ESRRG: variants seen among roughly 807,000 people sequenced by gnomAD.
ESRRG encodes estrogen-related receptor gamma.
Under a neutral mutation model 44.0 loss-of-function variants are expected in ESRRG, and 13 were observed. That is an observed-to-expected ratio of 0.30 (90% CI 0.19 to 0.47). The LOEUF (loss-of-function observed/expected upper bound fraction) is 0.47. Among genes scored for constraint, ESRRG ranks in the 20% least tolerant of loss-of-function variants. The probability of loss-of-function intolerance (pLI) is 1.00; values close to 1 mark genes in which losing one functional copy is unlikely to be tolerated. For synonymous variants in ESRRG, 215 were observed against 214.6 expected, an observed-to-expected ratio of 1.00 and a Z score of -0.02; for missense variants, 395 against 580.6, an observed-to-expected ratio of 0.68 and a Z score of 3.29.
chr1:216,632,869 G>T lies in ESRRG; in HGVS notation c.589+18104C>A, dbSNP rs183674171. ...ACTGATTTTAAGTTTGTCAGCTGGA[G>T]GGAATTATTATAAAGTCAATAAATA... On this transcript the variant is annotated intron_variant, in intron 3 of 6. Transcript: ENST00000408911. Among the ~76,000 whole-genome samples, 10 of 152,240 alleles carry T rather than the reference G, an allele frequency of 6.6e-5. No homozygotes were observed. The East Asian group carries it at 1.9e-3, about 29-fold the overall frequency.
chr1:216,633,343 T>C (rs1439370260), intron 3 of ESRRG, among the ~76,000 whole-genome samples: 3 of 152,182 alleles, frequency 2.0e-5, no homozygotes, highest in Non-Finnish European at 4.4e-5. Flanking sequence ...GCTGGCAGGC[T>C]CCAACTAGTT....
At chr1:216,732,004 AT>A (rs1005836237) in intron 2 of ESRRG, among the ~76,000 whole-genome samples, 49 of 152,012 alleles carry the variant, frequency 3.2e-4, no homozygotes, top group Middle Eastern at 3.5e-3. Flanking sequence ...TAACAAAGAA[AT>A]TTTTTTTTAA....
At chr1:216,689,540 CTT>C (rs1491202125) in intron 1 of ESRRG, among the ~76,000 whole-genome samples, 1 of 151,988 alleles carries the variant, frequency 6.6e-6, no homozygotes, top group African/African-American at 2.4e-5. Flanking sequence ...CTGGTAGTAT[CTT>C]AATACATTTT....
intron 2 of ESRRG, among the ~76,000 whole-genome samples, chr1:216,902,395 A>T (rs929720113): frequency 1.3e-5 from 2 of 152,034 alleles, no homozygotes; most frequent in East Asian, 3.9e-4. Flanking sequence ...AGGCTGAGGC[A>T]GGAGAATCCC....
intron 3 of ESRRG, among the ~76,000 whole-genome samples, chr1:216,592,205 T>C (rs1021571518): frequency 2.0e-5 from 3 of 152,212 alleles, no homozygotes; most frequent in Non-Finnish European, 2.9e-5. Flanking sequence ...GGAAAGAATG[T>C]CAATTTAATT....
At chr1:216,567,058 A>G (rs2059802780) in intron 4 of ESRRG, among the ~76,000 whole-genome samples, 1 of 152,192 alleles carries the variant, frequency 6.6e-6, no homozygotes, top group South Asian at 2.1e-4. Context: ...AGGCAGATCA[A>G]AAATTACCCA....
At chr1:216,910,432 T>C (rs1320229165) in intron 2 of ESRRG, among the ~76,000 whole-genome samples, 2 of 152,186 alleles carry the variant, frequency 1.3e-5, no homozygotes, top group Non-Finnish European at 2.9e-5. Context: ...GTCCTTTCCA[T>C]TCATTAGTTT....
intron 3 of ESRRG, among the ~76,000 whole-genome samples, chr1:216,633,838 G>A (rs924116787): frequency 1.1e-4 from 17 of 152,192 alleles, no homozygotes; most frequent in Admixed American, 1.1e-3. Context: ...AAATTATTAA[G>A]AGATGGATAA....
intron 5 of ESRRG, among the ~76,000 whole-genome samples, chr1:216,543,701 T>C (rs992646307): frequency 2.6e-5 from 4 of 151,950 alleles, no homozygotes; most frequent in Non-Finnish European, 4.4e-5. Context: ...GGAAAAATAG[T>C]ATCCACCATC....
chr1:216,795,936 G>T, intron 2 of ESRRG, among the ~76,000 whole-genome samples: 1 of 151,988 alleles, frequency 6.6e-6, no homozygotes, highest in East Asian at 1.9e-4. Flanking sequence ...AGACCAAATG[G>T]GATATCAACA....
chr1:216,916,326 C>T (rs191472884), intron 2 of ESRRG, among the ~76,000 whole-genome samples: 8 of 152,298 alleles, frequency 5.3e-5, no homozygotes, highest in East Asian at 1.9e-4. Flanking sequence ...TTCATGTCAC[C>T]GTTCATCATG....
At chr1:216,687,026 C>CGTGT (rs143144178) in intron 1 of ESRRG, among the ~76,000 whole-genome samples, 24,892 of 149,056 alleles carry the variant, frequency 0.17, 2,458 homozygotes, top group South Asian at 0.31. Context: ...TGGCAGGGCC[C>CGTGT]GTGTGTGTGT....
At chr1:216,846,724 C>T (rs191306529) in intron 2 of ESRRG, among the ~76,000 whole-genome samples, 1 of 152,138 alleles carries the variant, frequency 6.6e-6, no homozygotes, top group East Asian at 1.9e-4. Flanking sequence ...TGATTTTTCA[C>T]AATAACAAAG....
chr1:216,833,693 A>G (rs916101556), intron 2 of ESRRG, among the ~76,000 whole-genome samples: 1 of 152,188 alleles, frequency 6.6e-6, no homozygotes, highest in African/African-American at 2.4e-5. Flanking sequence ...GGTTAATCCA[A>G]TTACCACATT....
At position 217,130,353 on chromosome 1, in the gene ESRRG, C is replaced by T. The variant is rs150384244; in HGVS notation, c.-230+7314G>A. Among the ~76,000 whole-genome samples, 689 of 152,332 alleles carry T rather than the reference C, an allele frequency of 4.5e-3. 7 individuals carry two copies. The highest frequency in any genetic ancestry group is 0.016 in the African/African-American group (657 of 41,564). ...GCTCAAGCTATCTTCCTGCCTCAGCCTCCTGAGTAGCTCGGACTACAGGCA... is the reference window on the plus strand; with the variant it reads ...GCTCAAGCTATCTTCCTGCCTCAGCTTCCTGAGTAGCTCGGACTACAGGCA... On this transcript the variant is annotated intron_variant, in intron 1 of 8. Transcript: ENST00000366940.
intron 3 of ESRRG, among the ~76,000 whole-genome samples, chr1:216,645,137 C>T (rs898423922): frequency 2.6e-5 from 4 of 152,120 alleles, no homozygotes; most frequent in Admixed American, 2.6e-4. Flanking sequence ...TATTTAAATA[C>T]CTATTAATTG....
In ESRRG at chr1:217,008,340, C is replaced by A. The variant is rs1436082440; in HGVS notation, c.-105-68667G>T. ...TTGCAAATGCAGAGCTTTTTCCATA[C>A]ATTATTTCTCCACAGTCAGAATATA... is the stretch of plus-strand genomic sequence containing the variant. On this transcript the variant is annotated intron_variant, in intron 1 of 7. Transcript: ENST00000359162. Among the ~76,000 whole-genome samples the A allele has an allele frequency of 2.0e-5, 3 of 152,196 alleles. No individual in the cohort carries two copies. The East Asian group carries it at 5.8e-4, about 29-fold the overall frequency.
chr1:216,663,197 G>A (rs2072981136), intron 2 of ESRRG, among the ~76,000 whole-genome samples: 1 of 152,134 alleles, frequency 6.6e-6, no homozygotes. Flanking sequence ...GCACAGTGAG[G>A]TTTTTCCAAA....
At chr1:216,920,590 GA>G (rs761173082) in intron 2 of ESRRG, among the ~76,000 whole-genome samples, 17 of 152,274 alleles carry the variant, frequency 1.1e-4, no homozygotes, top group East Asian at 1.9e-4. Flanking sequence ...TACAAAGAAA[GA>G]GACTTATATC....
Sources: gnomAD v4.1 joint callset for allele counts (sites outside exome capture counted in the v4.1 genomes callset) on GRCh38, gnomAD v4.1.1 for gene constraint, MANE v1.5 for transcripts, NCBI Gene and HGNC (gene_info 2026-07-23, HGNC 2026-07-21) for gene names.